Variants in CDH5 observed in about 807,000 individuals in gnomAD.
The protein encoded by CDH5 is cadherin-5.
In CDH5, 28 loss-of-function variants were observed where a neutral mutation model predicts 62.0. That is an observed-to-expected ratio of 0.45 (90% CI 0.33 to 0.62). CDH5 has a LOEUF of 0.62. Ranked by LOEUF, CDH5 falls within the 20% of genes least tolerant of loss-of-function variation. CDH5 has a pLI of 0.02. For missense variants in CDH5, 940 were observed against 1,065.1 expected (o/e 0.88, Z 1.63); for synonymous variants, 464 against 445.8 (o/e 1.04, Z -0.52).
At chr16:66,371,221 T>G (rs896113134) in intron 1 of CDH5, among the ~76,000 whole-genome samples, 1 of 152,150 alleles carries the variant, frequency 6.6e-6, no homozygotes, top group Non-Finnish European at 1.5e-5. Context: ...CCACAGAGTT[T>G]GGGGGTCACT....
intron 7 of CDH5, chr16:66,393,046 C>G (rs1961116578): frequency 2.0e-5 from 3 of 152,218 alleles, no homozygotes; most frequent in African/African-American, 7.2e-5. Flanking sequence ...CTTTTACAAT[C>G]TTTAGAAAAA....
chr16:66,379,973 T>A (rs12930078), intron 2 of CDH5, among the ~76,000 whole-genome samples: 3 of 21,832 alleles, frequency 1.4e-4, no homozygotes, highest in African/African-American at 1.9e-4. Context: ...GGGGTAGGTG[T>A]TGGTGGTGAT....
intron 2 of CDH5, among the ~76,000 whole-genome samples, chr16:66,385,157 A>T (rs1255120209): frequency 6.6e-6 from 1 of 152,168 alleles, no homozygotes; most frequent in Non-Finnish European, 1.5e-5. Flanking sequence ...CTAACCTTCT[A>T]TGAGAGTATC....
At chr16:66,379,592 C>T (rs1001225506) in intron 2 of CDH5, 45 bp downstream of exon 2, 4 of 1,559,526 alleles carry the variant, frequency 2.6e-6, no homozygotes, top group Non-Finnish European at 3.5e-6. Flanking sequence ...AGCAGCTGGC[C>T]CATAGTGACA....
intron 11 of CDH5, 37 bp downstream of exon 11, chr16:66,401,053 G>A (rs1019045355): frequency 2.7e-5 from 44 of 1,612,738 alleles, no homozygotes; most frequent in Non-Finnish European, 3.7e-5. Context: ...GACACAGTGG[G>A]TGGAAGGGGA....
In CDH5 at chr16:66,403,017, G is replaced by A; in HGVS notation, c.2203G>A (p.Gly735Ser). The A allele has an allele frequency of 6.2e-7, 1 of 1,613,382 alleles. No homozygotes were observed. Residue 735 changes from glycine to serine, a missense_variant, in exon 12 of 12, where the codon GGC becomes AGC. By Grantham distance (56) the Gly-to-Ser change is moderately conservative. Coordinates refer to ENST00000341529, the MANE Select transcript of CDH5 (RefSeq NM_001795.5). The surrounding 1 kb of genome is among the most constrained non-coding windows in gnomAD (Gnocchi z 4.3). ...YDTLHIYGYE[G>S]SESIAESLSS... ...CACGCTGCACATCTACGGCTACGAG[G>A]GCTCCGAGTCCATAGCCGAGTCCCT...
At chr16:66,396,668 A>T (rs1402123525) in intron 8 of CDH5, among the ~76,000 whole-genome samples, 1 of 152,240 alleles carries the variant, frequency 6.6e-6, no homozygotes, top group African/African-American at 2.4e-5. Context: ...TAATAGGTAG[A>T]ATTCAAAATG....
chr16:66,378,928 A>G (rs1487746766), intron 1 of CDH5, among the ~76,000 whole-genome samples: 2 of 152,330 alleles, frequency 1.3e-5, no homozygotes, highest in Middle Eastern at 3.4e-3. Context: ...AGTGGCCACC[A>G]TATATGGGCG....
chr16:66,367,140 G>A (rs917506147), intron 1 of CDH5, among the ~76,000 whole-genome samples: 7 of 152,218 alleles, frequency 4.6e-5, no homozygotes, highest in Admixed American at 6.5e-5. Flanking sequence ...GCCTCCCCTC[G>A]GTGCCTTACC....
At chr16:66,378,977 G>A (rs566724181) in intron 1 of CDH5, among the ~76,000 whole-genome samples, 15 of 152,330 alleles carry the variant, frequency 9.8e-5, no homozygotes, top group African/African-American at 3.4e-4. Flanking sequence ...GGGAAAGGAC[G>A]CAAACCTTCT....
intron 1 of CDH5, among the ~76,000 whole-genome samples, chr16:66,375,829 C>G (rs1190778047): frequency 6.6e-6 from 1 of 151,212 alleles, no homozygotes; most frequent in Non-Finnish European, 1.5e-5. Context: ...AAAAAGCCAC[C>G]GGCTACGGTG....
At chr16:66,382,193 T>C (rs1960910272) in intron 2 of CDH5, among the ~76,000 whole-genome samples, 1 of 152,128 alleles carries the variant, frequency 6.6e-6, no homozygotes, top group Non-Finnish European at 1.5e-5. Context: ...ATTTTCCCAT[T>C]TGGGAAATTA....
chr16:66,377,545 C>T (rs1567460932), intron 1 of CDH5: 1 of 152,284 alleles, frequency 6.6e-6, no homozygotes, highest in Non-Finnish European at 1.5e-5. Flanking sequence ...GGAAATGTTA[C>T]TAGAGTTTAC....
intron 2 of CDH5, among the ~76,000 whole-genome samples, chr16:66,382,072 C>T (rs986854655): frequency 9.9e-5 from 15 of 152,228 alleles, no homozygotes; most frequent in African/African-American, 3.6e-4. Context: ...AATGCCCCAG[C>T]AGACCTTGGT....
intron 1 of CDH5, among the ~76,000 whole-genome samples, chr16:66,372,734 C>T (rs1009206482): frequency 3.9e-5 from 6 of 152,162 alleles, no homozygotes; most frequent in Non-Finnish European, 8.8e-5. Context: ...CCCATGGGAG[C>T]ATGGTGGAGC....
chr16:66,384,591 A>G (rs1474531783), intron 2 of CDH5, among the ~76,000 whole-genome samples: 1 of 151,516 alleles, frequency 6.6e-6, no homozygotes, highest in Non-Finnish European at 1.5e-5. Flanking sequence ...CATCTCTACA[A>G]AAAAATACAA....
chr16:66,370,038 T>C (rs1326374354), intron 1 of CDH5, among the ~76,000 whole-genome samples: 2 of 152,152 alleles, frequency 1.3e-5, no homozygotes, highest in Non-Finnish European at 2.9e-5. Flanking sequence ...TTTGCTCTTG[T>C]TGTCCAGGCT....
At chr16:66,367,338 G>A (rs1224621253) in intron 1 of CDH5, among the ~76,000 whole-genome samples, 8 of 152,262 alleles carry the variant, frequency 5.3e-5, no homozygotes, top group Non-Finnish European at 1.2e-4. Context: ...GGGCACTTGA[G>A]GTCTTGCCTT....
Position 66,396,183 on chromosome 16 carries a change from A to G in CDH5, c.1342A>G (p.Lys448Glu). Reference sequence around the variant, plus strand: ...CTGGTATAACCTGACTGTGGAGGCCAAAGAACTGGATTCCACTGGTGAGTG... The same window carrying G: ...CTGGTATAACCTGACTGTGGAGGCCGAAGAACTGGATTCCACTGGTGAGTG... ...YPWYNLTVEAKELDSTGTPTG... is the reference protein window; with the variant it reads ...YPWYNLTVEAEELDSTGTPTG... The change falls in exon 8 of 12, where the codon AAA becomes GAA. Residue 448 changes from lysine (K) to glutamate (E), a missense_variant. Transcript: ENST00000341529. 1.2e-6 allele frequency: 2 copies of G among 1,614,168 alleles called. No homozygotes were observed. Among genetic ancestry groups the G allele is most frequent in the Non-Finnish European group, 1.7e-6 (2 of 1,180,010 alleles).
Sources: allele counts gnomAD v4.1 joint callset (sites outside exome capture counted in the v4.1 genomes callset), GRCh38; gene constraint gnomAD v4.1.1; non-coding constraint Gnocchi (gnomAD v3.1); transcripts MANE v1.5; gene names NCBI Gene and HGNC (gene_info 2026-07-23, HGNC 2026-07-21).